The following PRKN variants were observed in gnomAD, a reference collection of about 807,000 sequenced individuals.
PRKN encodes the protein E3 ubiquitin-protein ligase parkin.
A neutral mutation model predicts 59.5 loss-of-function variants in PRKN; 56 were observed. The observed-to-expected ratio is 0.94, with a 90% confidence interval of 0.76 to 1.18. The LOEUF (loss-of-function observed/expected upper bound fraction) is 1.18, where lower values mean the gene tolerates loss of function less well. Among genes scored for constraint, PRKN ranks in the 50% most tolerant of loss-of-function variants. The pLI is 0.00. For missense variants in PRKN, 657 were observed against 596.4 expected, an observed-to-expected ratio of 1.10 and a Z score of -1.06; for synonymous variants, 250 against 222.1, an observed-to-expected ratio of 1.13 and a Z score of -1.12.
chr6:161,776,851 C>T (rs1320615720), intron 7 of PRKN, among the ~76,000 whole-genome samples: 3 of 152,120 alleles, frequency 2.0e-5, no homozygotes, highest in African/African-American at 4.8e-5. Context: ...TTAATGATAT[C>T]GAGCCTTTAC....
intron 4 of PRKN, among the ~76,000 whole-genome samples, chr6:162,070,063 G>A (rs1465156898): frequency 6.6e-6 from 1 of 152,182 alleles, no homozygotes; most frequent in Non-Finnish European, 1.5e-5. Flanking sequence ...GATTTCCAGT[G>A]AAAATCTGTT....
At chr6:162,532,271 T>C (rs1317346190) in intron 1 of PRKN, among the ~76,000 whole-genome samples, 2 of 124,826 alleles carry the variant, frequency 1.6e-5, no homozygotes, top group Non-Finnish European at 3.9e-5. Flanking sequence ...CTGCTATTAG[T>C]GAAAATATGC....
In PRKN at chr6:161,351,051, A is replaced by AT. The variant is rs1430744768; in HGVS notation, c.1286-841dup. Reference sequence around the variant, plus strand: ...TTATATTTAAAATATATATAAATATATTTTATATATTTATATTTAAAATAT... The same window carrying AT: ...TTATATTTAAAATATATATAAATATATTTTTATATATTTATATTTAAAATAT... On this transcript the variant is annotated intron_variant, in intron 11 of 11. Transcript: ENST00000366898. 3.9e-4 allele frequency among the ~76,000 whole-genome samples: 32 copies of AT among 82,986 alleles called. 2 individuals are homozygous for AT. Among genetic ancestry groups the AT allele is most frequent in the African/African-American group, 1.9e-3 (31 of 16,222 alleles). The allele number at this position is 82,986 out of a possible 152,430, so 54.4% of individuals were successfully genotyped here.
At chr6:162,289,335 T>A (rs771250835) in intron 2 of PRKN, among the ~76,000 whole-genome samples, 27 of 152,110 alleles carry the variant, frequency 1.8e-4, no homozygotes, top group Non-Finnish European at 3.7e-4. Flanking sequence ...ATGACCACAC[T>A]TTCACTTGAT....
intron 4 of PRKN, among the ~76,000 whole-genome samples, chr6:162,142,589 TAAC>T (rs1243041439): frequency 5.3e-5 from 8 of 152,166 alleles, no homozygotes; most frequent in South Asian, 4.1e-4. Context: ...GCAATAAAGA[TAAC>T]AACACAGACC....
chr6:162,560,772 T>C (rs549470297), intron 1 of PRKN, among the ~76,000 whole-genome samples: 1 of 149,988 alleles, frequency 6.7e-6, no homozygotes, highest in Non-Finnish European at 1.5e-5. Flanking sequence ...AATCAGTGTA[T>C]ACTTAATGAG....
intron 5 of PRKN, among the ~76,000 whole-genome samples, chr6:162,011,435 T>C (rs1197911541): frequency 4.4e-5 from 1 of 22,570 alleles, no homozygotes; most frequent in South Asian, 1.3e-3. Context: ...AATATATATG[T>C]TATATATTTA....
rs139266488 is a variant in PRKN at position 161,527,581 on chromosome 6, C to T, written c.1083+21273G>A. Among the ~76,000 whole-genome samples the T allele has an allele frequency of 2.6e-3, 391 of 152,264 alleles. No individual in the cohort carries two copies. The highest frequency in any genetic ancestry group is 8.8e-3 in the African/African-American group (366 of 41,550). ...AGGGGTGGAGTGAGGAACATCTGCC[C>T]ATGGGTAGTAGCACCTTGTAAAATC... On this transcript the variant is annotated intron_variant, in intron 9 of 11. Transcript: ENST00000366898. This position sits in a 1 kb window ranked among gnomAD's most constrained non-coding sequence, Gnocchi z 4.6.
Position 162,500,890 on chromosome 6 carries a change from G to A in PRKN, c.8-57417C>T, listed in dbSNP as rs187100307. Among the ~76,000 whole-genome samples, 64 of 152,134 alleles carry A rather than the reference G, an allele frequency of 4.2e-4. 1 individual carries two copies. The highest frequency in any genetic ancestry group is 1.4e-3 in the African/African-American group (58 of 41,502). ...ACATAATAAAGATGTTTTAGGTTGG[G>A]TGCAGTGGTTCATGCCTGTAATCCC... On this transcript the variant is annotated intron_variant, in intron 1 of 11. Coordinates refer to ENST00000366898, the MANE Select transcript of PRKN (RefSeq NM_004562.3).
chr6:162,585,452 C>T (rs987071044), intron 1 of PRKN, among the ~76,000 whole-genome samples: 20 of 152,232 alleles, frequency 1.3e-4, no homozygotes, highest in African/African-American at 4.6e-4. Context: ...TCTCTGGCTC[C>T]ATTCATTTAT....
intron 7 of PRKN, among the ~76,000 whole-genome samples, chr6:161,635,722 A>G (rs933675166): frequency 6.6e-6 from 1 of 152,184 alleles, no homozygotes; most frequent in Non-Finnish European, 1.5e-5. Flanking sequence ...GACTCAGTGA[A>G]AAGTGGAGAG....
At chr6:161,879,455 C>A (rs1794851654) in intron 6 of PRKN, among the ~76,000 whole-genome samples, 1 of 146,660 alleles carries the variant, frequency 6.8e-6, no homozygotes, top group Non-Finnish European at 1.5e-5. Context: ...TCAAGCAATT[C>A]TCCTGCCTCA....
chr6:161,350,005 T>G lies in PRKN; in HGVS notation c.*94A>C. Reference sequence around the variant, plus strand: ...AAGAGTGTGTGTGCGCGCGCGCGCGTGTGTGTGTGTGTTTGAAAAGAGAAT... The same window carrying G: ...AAGAGTGTGTGTGCGCGCGCGCGCGGGTGTGTGTGTGTTTGAAAAGAGAAT... On this transcript the variant is annotated 3_prime_UTR_variant, in exon 12 of 12. Transcript: ENST00000366898. 1.5e-6 allele frequency: 1 copy of G among 685,652 alleles called. No homozygotes were observed. The highest frequency in any genetic ancestry group is 3.3e-4 in the Middle Eastern group (1 of 3,062). The allele number at this position is 685,652 out of a possible 1,614,324, so 42.5% of individuals were successfully genotyped here.
intron 6 of PRKN, among the ~76,000 whole-genome samples, chr6:161,842,449 G>T (rs555540838): frequency 6.1e-5 from 9 of 147,494 alleles, no homozygotes; most frequent in African/African-American, 2.2e-4. Flanking sequence ...TCCAGCCTGG[G>T]CAACAGAATG....
At chr6:162,321,869 T>C (rs4327667) in intron 2 of PRKN, among the ~76,000 whole-genome samples, 71,830 of 151,756 alleles carry the variant, frequency 0.47, 17,640 homozygotes, top group Middle Eastern at 0.54. Context: ...CTGATAAAGA[T>C]CATCTATGAA....
At chr6:162,081,400 G>T (rs1050095751) in intron 4 of PRKN, among the ~76,000 whole-genome samples, 2 of 152,070 alleles carry the variant, frequency 1.3e-5, no homozygotes, top group Non-Finnish European at 2.9e-5. Context: ...GCAGAATTTA[G>T]GTGTTGTTTT....
chr6:162,650,157 C>A (rs557421640), intron 1 of PRKN, among the ~76,000 whole-genome samples: 2 of 152,146 alleles, frequency 1.3e-5, no homozygotes, highest in African/African-American at 4.8e-5. Context: ...GAAGTAGAAG[C>A]TGCCTTAAAA....
At chr6:161,922,493 A>G (rs184619003) in intron 6 of PRKN, among the ~76,000 whole-genome samples, 25 of 152,320 alleles carry the variant, frequency 1.6e-4, no homozygotes, top group Admixed American at 1.6e-3. Flanking sequence ...ATGTGTGTGT[A>G]TATATACTTA....
In PRKN at chr6:161,592,209, T is replaced by C. The variant is rs1781750188; in HGVS notation, c.872-22793A>G. ...ATCTGCAGTTGGGTGACTCCTCAGT[T>C]GTGGAACCCATAGATACAGGGGGTT... On this transcript the variant is annotated intron_variant, in intron 7 of 11. Coordinates refer to ENST00000366898, the MANE Select transcript of PRKN (RefSeq NM_004562.3). The surrounding 1 kb of genome is among the most constrained non-coding windows in gnomAD (Gnocchi z 4.8). 6.6e-6 allele frequency among the ~76,000 whole-genome samples: 1 copy of C among 152,200 alleles called. No individual in the cohort carries two copies. The highest frequency in any genetic ancestry group is 2.4e-5 in the African/African-American group (1 of 41,446).
Sources: allele counts gnomAD v4.1 joint callset (sites outside exome capture counted in the v4.1 genomes callset), GRCh38; gene constraint gnomAD v4.1.1; non-coding constraint Gnocchi (gnomAD v3.1); transcripts MANE v1.5; gene names NCBI Gene and HGNC (gene_info 2026-07-23, HGNC 2026-07-21).